MCC: variants seen among roughly 807,000 people sequenced by gnomAD.
The protein encoded by MCC is MCC regulator of Wnt signaling pathway.
Under a neutral mutation model 116.2 loss-of-function variants are expected in MCC, and 90 were observed. That is an observed-to-expected ratio of 0.77 (90% CI 0.65 to 0.92). The LOEUF is 0.92. Ranked by LOEUF, MCC falls within the 40% of genes least tolerant of loss-of-function variation. The probability of loss-of-function intolerance (pLI) is 0.00; values close to 1 mark genes in which losing one functional copy is unlikely to be tolerated. For missense variants in MCC, 1,516 were observed against 1,312.2 expected, an observed-to-expected ratio of 1.16 and a Z score of -2.40; for synonymous variants, 578 against 510.5, an observed-to-expected ratio of 1.13 and a Z score of -1.78.
At chr5:113,225,709 A>T (rs1763706044) in intron 3 of MCC, among the ~76,000 whole-genome samples, 1 of 152,228 alleles carries the variant, frequency 6.6e-6, no homozygotes, top group African/African-American at 2.4e-5. Flanking sequence ...GTTCACTGAC[A>T]TGTGCTGTAT....
At chr5:113,465,791 T>C (rs370208219) in intron 1 of MCC, among the ~76,000 whole-genome samples, 6 of 152,202 alleles carry the variant, frequency 3.9e-5, no homozygotes, top group African/African-American at 9.7e-5. Context: ...AATTGTAAAG[T>C]TAAATAATGT....
rs773535423 is a variant in MCC at position 113,043,612 on chromosome 5, A to T, written c.2674T>A (p.Ser892Thr). Reference sequence around the variant, plus strand: ...AGTTCGGCTAGGGACAGAGCTGGGGAGGCAGCATCAGCACACTCCTGACAA... The same window carrying T: ...AGTTCGGCTAGGGACAGAGCTGGGGTGGCAGCATCAGCACACTCCTGACAA... ...KPGKECADAA[S>T]PALSLAELRT... The change falls in exon 17 of 19, where the codon TCC (serine) becomes ACC (threonine). Residue 892 changes from serine to threonine, a missense_variant. Ser to Thr is a moderately conservative substitution (Grantham distance 58). Transcript: ENST00000408903. 1 of 1,613,866 alleles carries T rather than the reference A, an allele frequency of 6.2e-7. No homozygotes were observed. The highest frequency in any genetic ancestry group is 1.1e-5 in the South Asian group (1 of 91,054).
intron 1 of MCC, among the ~76,000 whole-genome samples, chr5:113,441,267 G>A (rs990689276): frequency 3.0e-4 from 45 of 152,156 alleles, no homozygotes; most frequent in Non-Finnish European, 3.1e-4. Context: ...CCCAGGAGGC[G>A]GAGGTTACAG....
At chr5:113,164,287 T>C (rs563730739) in intron 3 of MCC, among the ~76,000 whole-genome samples, 1 of 152,344 alleles carries the variant, frequency 6.6e-6, no homozygotes, top group African/African-American at 2.4e-5. Context: ...GGATAGCTAC[T>C]GGCATTTGCA....
At chr5:113,126,226 C>G (rs574340580) in intron 5 of MCC, among the ~76,000 whole-genome samples, 17 of 152,222 alleles carry the variant, frequency 1.1e-4, no homozygotes, top group African/African-American at 4.1e-4. Flanking sequence ...CCTCAGGAGA[C>G]AGGCATTAGA....
At position 113,233,688 on chromosome 5, in the gene MCC, A is replaced by G. The variant is rs190903937; in HGVS notation, c.628-82266T>C. Among the ~76,000 whole-genome samples, 161 of 152,336 alleles carry G rather than the reference A, an allele frequency of 1.1e-3. 1 individual carries two copies. Among genetic ancestry groups the G allele is most frequent in the African/African-American group, 3.7e-3 (154 of 41,582 alleles). On this transcript the variant is annotated intron_variant, in intron 3 of 18. Transcript: ENST00000408903. ...CCAACTCCAGCCAGATGGCAACAGCATGTCAGAAACATTTAGTATTAAATC... is the reference window on the plus strand; with the variant it reads ...CCAACTCCAGCCAGATGGCAACAGCGTGTCAGAAACATTTAGTATTAAATC...
At chr5:113,080,088 C>G (rs1490491684) in intron 11 of MCC, among the ~76,000 whole-genome samples, 5 of 152,192 alleles carry the variant, frequency 3.3e-5, no homozygotes, top group Non-Finnish European at 7.4e-5. Flanking sequence ...AAATGCAAAT[C>G]AAAACCACAA....
At chr5:113,230,640 G>T (rs1763906106) in intron 3 of MCC, among the ~76,000 whole-genome samples, 2 of 152,112 alleles carry the variant, frequency 1.3e-5, no homozygotes, top group African/African-American at 4.8e-5. Flanking sequence ...TATTAACATA[G>T]TCTAATTTGG....
chr5:113,164,220 A>C (rs1561418079), intron 3 of MCC, among the ~76,000 whole-genome samples: 1 of 152,290 alleles, frequency 6.6e-6, no homozygotes, highest in East Asian at 1.9e-4. Context: ...GGTGGTCACT[A>C]TGTCTATGTG....
At chr5:113,475,342 A>G (rs1367794724) in intron 1 of MCC, among the ~76,000 whole-genome samples, 1 of 152,242 alleles carries the variant, frequency 6.6e-6, no homozygotes, top group South Asian at 2.1e-4. Context: ...CAAACATTTA[A>G]TGCTTATTAG....
At chr5:113,098,993 C>A (rs188751130) in intron 8 of MCC, among the ~76,000 whole-genome samples, 2 of 152,076 alleles carry the variant, frequency 1.3e-5, no homozygotes, top group African/African-American at 4.8e-5. Flanking sequence ...ATGACAACCA[C>A]GAAGGACAGA....
intron 1 of MCC, among the ~76,000 whole-genome samples, chr5:113,402,046 G>A (rs1769702376): frequency 6.6e-6 from 1 of 151,786 alleles, no homozygotes; most frequent in Non-Finnish European, 1.5e-5. Context: ...TGTAATCCCA[G>A]CACTTTGGGA....
intron 3 of MCC, among the ~76,000 whole-genome samples, chr5:113,258,392 C>T (rs945491954): frequency 1.3e-5 from 2 of 152,216 alleles, no homozygotes; most frequent in East Asian, 1.9e-4. Flanking sequence ...TGGTCTATGG[C>T]CTGTTAGGAA....
intron 6 of MCC, among the ~76,000 whole-genome samples, chr5:113,105,761 A>C (rs1756693111): frequency 6.6e-6 from 1 of 152,182 alleles, no homozygotes; most frequent in Admixed American, 6.5e-5. Flanking sequence ...TCTACTCTCC[A>C]CGCGGTCACC....
At chr5:113,356,023 A>G (rs1233189126) in intron 2 of MCC, among the ~76,000 whole-genome samples, 1 of 151,442 alleles carries the variant, frequency 6.6e-6, no homozygotes, top group Non-Finnish European at 1.5e-5. Context: ...ATCTGCCACT[A>G]CAACAACTAT....
intron 3 of MCC, among the ~76,000 whole-genome samples, chr5:113,300,003 A>T (rs1376021293): frequency 6.6e-6 from 1 of 152,138 alleles, no homozygotes; most frequent in Admixed American, 6.5e-5. Context: ...CCTGGGCATG[A>T]CTGGATGAGG....
chr5:113,268,488 A>C (rs1021918706), intron 3 of MCC, among the ~76,000 whole-genome samples: 5 of 152,188 alleles, frequency 3.3e-5, no homozygotes, highest in African/African-American at 1.2e-4. Flanking sequence ...GACTCACTTG[A>C]TACTTAGACA....
At chr5:113,413,063 T>C (rs1462092275) in intron 1 of MCC, among the ~76,000 whole-genome samples, 2 of 152,248 alleles carry the variant, frequency 1.3e-5, no homozygotes, top group Admixed American at 6.5e-5. Flanking sequence ...GTTCATGTGA[T>C]GGATTACGTT....
At chr5:113,043,408 C>G in intron 17 of MCC, 122 bp downstream of exon 17, 1 of 914,476 alleles carries the variant, frequency 1.1e-6, no homozygotes, top group Non-Finnish European at 1.7e-6. Context: ...TTTCTGGCTT[C>G]CAAGACATGG....
Sources: allele counts gnomAD v4.1 joint callset (sites outside exome capture counted in the v4.1 genomes callset), GRCh38; gene constraint gnomAD v4.1.1; transcripts MANE v1.5; gene names NCBI Gene and HGNC (gene_info 2026-07-23, HGNC 2026-07-21).